SYTL4: variants seen among roughly 807,000 people sequenced by gnomAD.
SYTL4 encodes synaptotagmin-like protein 4.
SYTL4 carries 16 observed loss-of-function variants against 52.7 expected under a neutral mutation model. That is an observed-to-expected ratio of 0.30 (90% CI 0.21 to 0.46). The LOEUF is 0.46. SYTL4 is among the 20% of genes least tolerant of loss of function. SYTL4 has a pLI of 1.00. For missense variants in SYTL4, 423 were observed against 519.9 expected (o/e 0.81, Z 1.81); for synonymous variants, 160 against 186.6 (o/e 0.86, Z 1.16).
At position 100,702,057 on chromosome X, in the gene SYTL4, T is replaced by C; in HGVS notation, c.-20A>G. 1 of 1,115,203 alleles carries C rather than the reference T, an allele frequency of 9.0e-7. No individual in the cohort carries two copies. The highest frequency in any genetic ancestry group is 1.2e-6 in the Non-Finnish European group (1 of 814,923). 91.9% of individuals were successfully genotyped at this position (1,115,203 alleles called of 1,213,427 possible). A position where few individuals can be genotyped will look rare whatever the true frequency, so the allele number is the denominator to read the frequency against. ...CGACATGATTTACTCAACTTTTTCTTCTACTCTTCTTTCTTCAAAACAACC... is the reference window on the plus strand; with the variant it reads ...CGACATGATTTACTCAACTTTTTCTCCTACTCTTCTTTCTTCAAAACAACC... On this transcript the variant is annotated 5_prime_UTR_variant, in exon 5 of 20. Coordinates refer to ENST00000372989, the MANE Select transcript of SYTL4 (RefSeq NM_001370165.1).
chrX:100,690,645 G>A lies in SYTL4; in HGVS notation c.642-7C>T. The stretch of plus-strand genomic sequence containing the variant: ...TTTATCCAGAGAGTCTCTCCTGGAG[G>A]TAGATTCAGAAATTATAACTAAGTC... On this transcript the variant is annotated splice_region_variant and splice_polypyrimidine_tract_variant and intron_variant, in intron 9 of 19. Transcript: ENST00000372989. 8.5e-7 allele frequency: 1 copy of A among 1,180,114 alleles called. No homozygotes were observed. Among genetic ancestry groups the A allele is most frequent in the Non-Finnish European group, 1.1e-6 (1 of 870,285 alleles).
intron 8 of SYTL4, among the ~76,000 whole-genome samples, chrX:100,699,324 G>A (rs2083785208): frequency 9.8e-6 from 1 of 102,171 alleles, no homozygotes; most frequent in African/African-American, 3.6e-5. Context: ...CCGAGATGGC[G>A]CCACTGCACT....
At chrX:100,683,041 C>T (rs1463003837) in intron 16 of SYTL4, among the ~76,000 whole-genome samples, 1 of 109,471 alleles carries the variant, frequency 9.1e-6, no homozygotes, top group African/African-American at 3.3e-5. Context: ...CTGCTTCACT[C>T]GATTGGCTCT....
rs778572952 is a variant in SYTL4 at position 100,681,381 on chromosome X, AT to A, written c.1450-47del. 9 of 1,039,357 alleles carry A rather than the reference AT, an allele frequency of 8.7e-6. No individual in the cohort carries two copies. The South Asian group carries it at 1.9e-4, about 21-fold the overall frequency. The allele number at this position is 1,039,357 out of a possible 1,213,427, so 85.7% of individuals were successfully genotyped here. On this transcript the variant is annotated intron_variant, in intron 16 of 19. Transcript: ENST00000372989. ...ACAGGTCAAGCTGGGCTTCTCAAGA[AT>A]TGTTGGGACTTCTCTCTGAAAAAAA...
At chrX:100,694,225 G>T (rs866889377) in intron 8 of SYTL4, among the ~76,000 whole-genome samples, 3 of 111,680 alleles carry the variant, frequency 2.7e-5, no homozygotes, top group Middle Eastern at 4.6e-3. Flanking sequence ...ATAAGGCTGT[G>T]CCCCTCAGAG....
chrX:100,702,354 C>T (rs1360372332), intron 4 of SYTL4, among the ~76,000 whole-genome samples: 1 of 112,322 alleles, frequency 8.9e-6, no homozygotes, highest in Non-Finnish European at 1.9e-5. Context: ...GTATATGCAT[C>T]TTAGTCTGGA....
At chrX:100,704,021 A>G (rs1280611898) in intron 3 of SYTL4, among the ~76,000 whole-genome samples, 1 of 112,905 alleles carries the variant, frequency 8.9e-6, no homozygotes, top group Non-Finnish European at 1.9e-5. Flanking sequence ...CTCAAAAAAG[A>G]AAACAATACA....
intron 8 of SYTL4, among the ~76,000 whole-genome samples, chrX:100,697,048 A>G (rs1363964704): frequency 1.8e-5 from 2 of 112,343 alleles, no homozygotes; most frequent in Non-Finnish European, 3.8e-5. Flanking sequence ...CCAATGTAGC[A>G]ATTTGCAGAT....
At chrX:100,677,466 T>G (rs1260064048) in intron 19 of SYTL4, among the ~76,000 whole-genome samples, 1 of 111,773 alleles carries the variant, frequency 8.9e-6, no homozygotes, top group African/African-American at 3.3e-5. Context: ...AAAACATCAG[T>G]CTATATGCTT....
chrX:100,681,915 G>A (rs914835915), intron 16 of SYTL4, among the ~76,000 whole-genome samples: 1 of 112,284 alleles, frequency 8.9e-6, no homozygotes, highest in Non-Finnish European at 1.9e-5. Context: ...ATTCATAGTT[G>A]TACATGTGAA....
chrX:100,692,060 C>T (rs1028610251), intron 8 of SYTL4, among the ~76,000 whole-genome samples: 2 of 111,044 alleles, frequency 1.8e-5, no homozygotes. Flanking sequence ...TTTTATCTGC[C>T]TAAGATATTC....
chrX:100,719,836 G>A (rs1284013288), intron 2 of SYTL4, among the ~76,000 whole-genome samples: 1 of 111,992 alleles, frequency 8.9e-6, no homozygotes, highest in Non-Finnish European at 1.9e-5. Context: ...TAAATGGTTT[G>A]TAGAAATTCC....
At chrX:100,704,094 C>A (rs2027829) in intron 3 of SYTL4, among the ~76,000 whole-genome samples, 37,206 of 111,154 alleles carry the variant, frequency 0.33, 4,620 homozygotes, top group East Asian at 0.53. Flanking sequence ...CTAACTGTGC[C>A]TCTAAACAAT....
rs142040580 is a variant in SYTL4, at chrX:100,701,570, G to A, written c.214C>T (p.Arg72Cys). 3 of 1,211,274 alleles carry A rather than the reference G, an allele frequency of 2.5e-6. No homozygotes were observed. Among genetic ancestry groups the A allele is most frequent in the Admixed American group, 2.2e-5 (1 of 46,029 alleles). Residue 72 changes from arginine to cysteine, a missense_variant, in exon 6 of 20, where the codon CGT becomes TGT. Transcript: ENST00000372989. Reference sequence around the variant, plus strand: ...CAAGTATTGGTTTTGGGACTCAAACGGCCCAGGCTCTCCTGGCACCGGGCA... The same window carrying A: ...CAAGTATTGGTTTTGGGACTCAAACAGCCCAGGCTCTCCTGGCACCGGGCA... The part of the protein sequence containing the change: ...TCARCQESLG[R>C]LSPKTNTCRG...
intron 2 of SYTL4, among the ~76,000 whole-genome samples, chrX:100,716,501 G>A (rs185793773): frequency 0.019 from 1,274 of 67,910 alleles, 28 homozygotes; most frequent in African/African-American, 0.039. Context: ...TTTAGAGCAC[G>A]GAAAAATGAA....
chrX:100,682,877 A>G (rs2083403205), intron 16 of SYTL4, among the ~76,000 whole-genome samples: 1 of 111,723 alleles, frequency 9.0e-6, no homozygotes, highest in Admixed American at 9.6e-5. Flanking sequence ...AATCAAGCCT[A>G]TTTTTGTTCA....
chrX:100,709,541 C>G (rs1025879264), intron 2 of SYTL4, among the ~76,000 whole-genome samples: 3 of 111,558 alleles, frequency 2.7e-5, no homozygotes, highest in African/African-American at 9.8e-5. Context: ...TTGAGCCAGA[C>G]TGCCTGAACT....
rs200980034 is a variant in SYTL4 at position 100,711,900 on chromosome X, A to G, written c.-239-7014T>C. On this transcript the variant is annotated intron_variant, in intron 2 of 19. Transcript: ENST00000372989. ...GGGTTGGGGTCTTGGGGAAGGACAC[A>G]TTATATATATACAGATGAACAAAGA... Among the ~76,000 whole-genome samples, 44 of 110,837 alleles carry G rather than the reference A, an allele frequency of 4.0e-4. No individual in the cohort carries two copies. In the East Asian group the frequency reaches 0.012, roughly 31 times the overall value.
chrX:100,687,142 G>A lies in SYTL4; in HGVS notation c.1109C>T (p.Thr370Ile). ...IAFSLKYEQQ[T>I]QSLVVHVKEC... ...CTTCACATGGACAACCAGACTCTGG[G>A]TTTGCTGCTCATACTTCAGGGAAAA... The change falls in exon 14 of 20, where the codon ACC becomes ATC. Residue 370 changes from threonine to isoleucine, a missense_variant. Physicochemically the swap from Thr to Ile is moderately conservative, Grantham distance 89. Coordinates refer to ENST00000372989, the MANE Select transcript of SYTL4 (RefSeq NM_001370165.1). 1 of 1,211,491 alleles carries A rather than the reference G, an allele frequency of 8.3e-7. No homozygotes were observed. Among genetic ancestry groups the A allele is most frequent in the Non-Finnish European group, 1.1e-6 (1 of 895,353 alleles).
Sources: allele counts gnomAD v4.1 joint callset (sites outside exome capture counted in the v4.1 genomes callset), GRCh38; gene constraint gnomAD v4.1.1; transcripts MANE v1.5; gene names NCBI Gene and HGNC (gene_info 2026-07-23, HGNC 2026-07-21).